DAB2IP: variants seen among roughly 807,000 people sequenced by gnomAD.
DAB2IP encodes the protein disabled homolog 2-interacting protein.
DAB2IP carries 28 observed loss-of-function variants against 107.2 expected under a neutral mutation model. The ratio of observed to expected loss-of-function variants is 0.26; its 90% CI spans 0.19 to 0.36. The LOEUF (loss-of-function observed/expected upper bound fraction) is 0.36, where lower values mean the gene tolerates loss of function less well. Ranked by LOEUF, DAB2IP falls within the 10% of genes least tolerant of loss-of-function variation. The pLI is 1.00. For synonymous variants in DAB2IP, 755 were observed against 706.4 expected (o/e 1.07, Z -1.09); for missense variants, 1,400 against 1,644.7 (o/e 0.85, Z 2.57).
At chr9:121,749,818 G>A (rs764576462) in intron 3 of DAB2IP, among the ~76,000 whole-genome samples, 4 of 152,204 alleles carry the variant, frequency 2.6e-5, no homozygotes, top group African/African-American at 9.7e-5. Flanking sequence ...AACGTAAAGC[G>A]TTTGAGTCGT....
chr9:121,738,158 G>A (rs1359083353), intron 3 of DAB2IP, among the ~76,000 whole-genome samples: 1 of 152,200 alleles, frequency 6.6e-6, no homozygotes, highest in African/African-American at 2.4e-5. Context: ...CCTAGGCTCA[G>A]GGAACCAGCA....
At chr9:121,777,810 G>A (rs761720670) in intron 14 of DAB2IP, among the ~76,000 whole-genome samples, 23 of 152,136 alleles carry the variant, frequency 1.5e-4, no homozygotes, top group Non-Finnish European at 3.4e-4. Flanking sequence ...ATTCTTAGGT[G>A]CATATACATT....
At chr9:121,770,790 A>C in intron 11 of DAB2IP, 66 bp downstream of exon 11, 1 of 1,571,976 alleles carries the variant, frequency 6.4e-7, no homozygotes, top group Non-Finnish European at 8.7e-7. Context: ...CCCATCTGTA[A>C]TCTCAGATGG....
chr9:121,741,743 T>A (rs1832364252), intron 3 of DAB2IP, among the ~76,000 whole-genome samples: 1 of 151,586 alleles, frequency 6.6e-6, no homozygotes, highest in African/African-American at 2.4e-5. Context: ...GTTTCCTGTT[T>A]GTGCCTCCAG....
intron 3 of DAB2IP, among the ~76,000 whole-genome samples, chr9:121,711,258 G>A (rs893366972): frequency 4.6e-5 from 7 of 152,208 alleles, no homozygotes; most frequent in African/African-American, 1.7e-4. Context: ...GAATTCCATA[G>A]TCCAAACAGG....
At position 121,772,942 on chromosome 9, in the gene DAB2IP, A is replaced by C. The variant is rs759041516; in HGVS notation, c.2414A>C (p.Gln805Pro). The change falls in exon 12 of 16, where the codon CAG becomes CCG. Residue 805 changes from glutamine (Q) to proline (P), a missense_variant. Gln to Pro is a moderately conservative substitution (Grantham distance 76). Around this residue, in one of 3 missense-constraint regions of DAB2IP, gnomAD observed 600 missense variants for 659.1 expected, o/e 0.91. Coordinates refer to ENST00000408936, the Ensembl canonical transcript of DAB2IP. The surrounding 1 kb of genome is among the most constrained non-coding windows in gnomAD (Gnocchi z 4.7). ...CTGGCCACGGTGCGGCGGGCAGGCC[A>C]GACACCAACCACACCAGGCACCTCC... 1.9e-6 allele frequency: 3 copies of C among 1,567,598 alleles called. No homozygotes were observed. Among genetic ancestry groups the C allele is most frequent in the Non-Finnish European group, 2.6e-6 (3 of 1,160,318 alleles).
intron 3 of DAB2IP, among the ~76,000 whole-genome samples, chr9:121,705,541 A>C (rs977882167): frequency 6.6e-6 from 1 of 152,112 alleles, no homozygotes; most frequent in Non-Finnish European, 1.5e-5. Context: ...TTGTTTGTAC[A>C]TGTCTGTGTA....
chr9:121,588,637 G>GGGAAGGGAAGGGAAT (rs1589380787), intron 1 of DAB2IP, among the ~76,000 whole-genome samples: 1 of 151,032 alleles, frequency 6.6e-6, no homozygotes, highest in Non-Finnish European at 1.5e-5. Context: ...GGGAAGGGAA[G>GGGAAGGGAAGGGAAT]GGAAGGAAAG....
At chr9:121,646,838 C>T (rs1239763448), upstream of DAB2IP, among the ~76,000 whole-genome samples, 3 of 152,202 alleles carry the variant, frequency 2.0e-5, no homozygotes, top group Non-Finnish European at 2.9e-5. Flanking sequence ...ATGATCGTTG[C>T]TCCTTTCAGC....
intron 1 of DAB2IP, among the ~76,000 whole-genome samples, chr9:121,631,861 G>GC (rs1831899255): frequency 6.6e-6 from 1 of 151,518 alleles, no homozygotes; most frequent in Non-Finnish European, 1.5e-5. Context: ...TCTGCTGTTG[G>GC]CCCAGGGAAC....
intron 3 of DAB2IP, among the ~76,000 whole-genome samples, chr9:121,714,926 C>T (rs1830515354): frequency 6.6e-6 from 1 of 152,192 alleles, no homozygotes; most frequent in Non-Finnish European, 1.5e-5. Flanking sequence ...GAGGGGCTGC[C>T]ACGGGACTTG....
At chr9:121,718,394 A>T (rs1213457767) in intron 3 of DAB2IP, among the ~76,000 whole-genome samples, 2 of 152,180 alleles carry the variant, frequency 1.3e-5, no homozygotes, top group Non-Finnish European at 2.9e-5. Context: ...TGTCATCAAC[A>T]TACGCTGGGA....
rs369447339 is a variant in DAB2IP, at chr9:121,770,003, C to T, written c.1900-543C>T. ...GGCAGTGTCCCCAAAGCCTAGAATC[C>T]TCTGCCCCTTAAGTTCTCTAAAGCG... On this transcript the variant is annotated intron_variant, in intron 10 of 15. Coordinates refer to ENST00000408936, the Ensembl canonical transcript of DAB2IP. 7.9e-5 allele frequency among the ~76,000 whole-genome samples: 12 copies of T among 152,368 alleles called. No homozygotes were observed. The East Asian group carries it at 2.3e-3, about 29-fold the overall frequency.
At chr9:121,674,087 G>C (rs1174994202) in intron 1 of DAB2IP, among the ~76,000 whole-genome samples, 4 of 152,208 alleles carry the variant, frequency 2.6e-5, no homozygotes, top group Non-Finnish European at 4.4e-5. Context: ...CTGCTTCCCT[G>C]AGGCCCCATG....
chr9:121,769,964 C>T (rs1233704011), intron 10 of DAB2IP, among the ~76,000 whole-genome samples: 1 of 152,246 alleles, frequency 6.6e-6, no homozygotes, highest in African/African-American at 2.4e-5. Context: ...GAAGCTTGTG[C>T]ATAAACAGGT....
In DAB2IP at chr9:121,614,377, G is replaced by T. The variant is rs1043914852; in HGVS notation, c.40+47149G>T. On this transcript the variant is annotated intron_variant, in intron 1 of 16. Coordinates refer to the DAB2IP transcript ENST00000259371. ...TTTTTTTGAGAGGGAGTCTCGCTCT[G>T]TTGCCGAGGCTGGAGTGCAATGGCA... Among the ~76,000 whole-genome samples the T allele has an allele frequency of 6.0e-5, 7 of 116,978 alleles. No homozygotes were observed. The East Asian group carries it at 1.7e-3, about 29-fold the overall frequency. The allele number at this position is 116,978 out of a possible 152,430, so 76.7% of individuals were successfully genotyped here.
chr9:121,617,469 C>G (rs1018120719), intron 1 of DAB2IP, among the ~76,000 whole-genome samples: 2 of 152,228 alleles, frequency 1.3e-5, no homozygotes, highest in Admixed American at 1.3e-4. Flanking sequence ...CTCAGGCTCT[C>G]TCATCTCAAG....
Position 121,760,537 on chromosome 9 carries a change from T to G in DAB2IP, c.1170+98T>G. On this transcript the variant is annotated intron_variant, in intron 6 of 15. Transcript: ENST00000408936. The surrounding 1 kb of genome is among the most constrained non-coding windows in gnomAD (Gnocchi z 5.9). ...GTACATTTCAGGCCTAACAGAGGCC[T>G]TGGAGGCACCGGTCACTACCAGAAG... 1 of 1,398,016 alleles carries G rather than the reference T, an allele frequency of 7.2e-7. No individual in the cohort carries two copies. The highest frequency in any genetic ancestry group is 9.4e-7 in the Non-Finnish European group (1 of 1,062,320). 86.6% of individuals were successfully genotyped at this position (1,398,016 alleles called of 1,614,324 possible).
chr9:121,733,403 A>G (rs1489314559), intron 3 of DAB2IP, among the ~76,000 whole-genome samples: 3 of 152,218 alleles, frequency 2.0e-5, no homozygotes, highest in African/African-American at 7.2e-5. Flanking sequence ...ATTCAAAGAA[A>G]TGGGAAGCTT....
Sources: gnomAD v4.1 joint callset for allele counts (sites outside exome capture counted in the v4.1 genomes callset) on GRCh38, gnomAD v4.1.1 for gene constraint, gnomAD v4.1.1 regional missense constraint, Gnocchi (gnomAD v3.1) non-coding constraint, MANE v1.5 for transcripts, NCBI Gene and HGNC (gene_info 2026-07-23, HGNC 2026-07-21) for gene names.